Variants in CTNNA1 observed in about 807,000 individuals in gnomAD.
CTNNA1 encodes the protein catenin alpha 1, also known as catenin alpha-1.
In CTNNA1, 37 loss-of-function variants were observed where a neutral mutation model predicts 98.4. That is an observed-to-expected ratio of 0.38 (90% confidence interval 0.29 to 0.49). The LOEUF (loss-of-function observed/expected upper bound fraction) is 0.49, where lower values mean the gene tolerates loss of function less well. Ranked by LOEUF, CTNNA1 falls within the 20% of genes least tolerant of loss-of-function variation. CTNNA1 has a pLI of 0.95. For missense variants in CTNNA1, 761 were observed against 1,147.2 expected, an observed-to-expected ratio of 0.66 and a Z score of 4.86; for synonymous variants, 404 against 413.2, an observed-to-expected ratio of 0.98 and a Z score of 0.27.
At chr5:138,786,130 C>T (rs1247973105) in intron 3 of CTNNA1, among the ~76,000 whole-genome samples, 1 of 152,082 alleles carries the variant, frequency 6.6e-6, no homozygotes, top group African/African-American at 2.4e-5. Context: ...CTGTCCTAGT[C>T]CACTTTTGCA....
intron 3 of CTNNA1, among the ~76,000 whole-genome samples, chr5:138,800,760 G>A (rs1378999802): frequency 1.3e-5 from 2 of 151,922 alleles, no homozygotes; most frequent in Non-Finnish European, 2.9e-5. Context: ...CTGAGATCGC[G>A]CCACTGCATT....
intron 3 of CTNNA1, among the ~76,000 whole-genome samples, chr5:138,792,907 CTTCCT>C (rs1278370868): frequency 6.6e-6 from 1 of 152,068 alleles, no homozygotes; most frequent in African/African-American, 2.4e-5. Flanking sequence ...TTCTCATAGT[CTTCCT>C]TTGAGTTCTG....
intron 9 of CTNNA1, among the ~76,000 whole-genome samples, chr5:138,896,046 C>G (rs1288219263): frequency 6.6e-6 from 1 of 152,078 alleles, no homozygotes; most frequent in Non-Finnish European, 1.5e-5. Context: ...GGGCTAACAC[C>G]CACTCAGAAG....
intron 3 of CTNNA1, among the ~76,000 whole-genome samples, chr5:138,793,581 G>C: frequency 6.6e-6 from 1 of 152,224 alleles, no homozygotes; most frequent in Non-Finnish European, 1.5e-5. Context: ...TGTACAGTCA[G>C]TGTAGCTGAG....
chr5:138,803,225 C>T (rs967658682), intron 3 of CTNNA1, among the ~76,000 whole-genome samples: 1 of 151,276 alleles, frequency 6.6e-6, no homozygotes, highest in East Asian at 1.9e-4. Context: ...ATGATCGTGG[C>T]TCACTGCAAC....
intron 1 of CTNNA1, among the ~76,000 whole-genome samples, chr5:138,780,662 C>T (rs1269498819): frequency 3.9e-5 from 6 of 151,946 alleles, no homozygotes; most frequent in South Asian, 2.1e-4. Context: ...GGATTACAGG[C>T]GTGCACCACC....
chr5:138,910,226 CTTTTTTTTTTTTTTTTTTTTT>C (rs70982740), intron 10 of CTNNA1, among the ~76,000 whole-genome samples: 1 of 53,228 alleles, frequency 1.9e-5, no homozygotes, highest in Non-Finnish European at 3.3e-5. Context: ...TCCTACTTTT[CTTTTTTTTTTTTTTTTTTTTT>C]TTTTTTGGAA....
chr5:138,860,036 T>A (rs138903296), intron 7 of CTNNA1, among the ~76,000 whole-genome samples: 1 of 151,970 alleles, frequency 6.6e-6, no homozygotes, highest in African/African-American at 2.4e-5. Context: ...GTTTAAAGAT[T>A]GTGTGTGTGT....
At position 138,824,626 on chromosome 5, in the gene CTNNA1, C is replaced by A. The variant is rs2149775908; in HGVS notation, c.685C>A (p.Leu229Ile). The A allele has an allele frequency of 6.2e-7, 1 of 1,614,218 alleles. No homozygotes were observed. The highest frequency in any genetic ancestry group is 8.5e-7 in the Non-Finnish European group (1 of 1,180,038). Reference sequence around the variant, plus strand: ...CCTCTATACTGCATCCCAGGCATGCCTACAGCACCCTGATGTCGCAGCCTA... The same window carrying A: ...CCTCTATACTGCATCCCAGGCATGCATACAGCACCCTGATGTCGCAGCCTA... ...PILYTASQAC[L>I]QHPDVAAYKA... The change falls in exon 6 of 18, where the codon CTA (leucine) becomes ATA (isoleucine). Residue 229 changes from leucine to isoleucine, a missense_variant. Coordinates refer to ENST00000302763, the MANE Select transcript of CTNNA1 (RefSeq NM_001903.5).
chr5:138,775,714 C>CTTTT lies in CTNNA1; in HGVS notation c.-2-6187_-2-6184dup, dbSNP rs750615535. ...AGCCTCCTTTAATCTGGAAATATTT[C>CTTTT]TTTTTTTTTTTTTTTTTTTTTTTTT... is the stretch of plus-strand genomic sequence containing the variant. On this transcript the variant is annotated intron_variant, in intron 1 of 17. Coordinates refer to ENST00000302763, the MANE Select transcript of CTNNA1 (RefSeq NM_001903.5). Among the ~76,000 whole-genome samples, 364 of 82,490 alleles carry CTTTT rather than the reference C, an allele frequency of 4.4e-3. 3 individuals carry two copies. Among genetic ancestry groups the CTTTT allele is most frequent in the East Asian group, 6.1e-3 (16 of 2,620 alleles). 54.1% of individuals were successfully genotyped at this position (82,490 alleles called of 152,430 possible).
chr5:138,921,820 C>T (rs562788512), intron 11 of CTNNA1, among the ~76,000 whole-genome samples: 1 of 151,682 alleles, frequency 6.6e-6, no homozygotes, highest in Non-Finnish European at 1.5e-5. Flanking sequence ...AGGATGGTCC[C>T]GATCTCCTGA....
At position 138,758,195 on chromosome 5, in the gene CTNNA1, A is replaced by G. The variant is rs554241869; in HGVS notation, c.-3+4685A>G. Among the ~76,000 whole-genome samples, 37 of 146,070 alleles carry G rather than the reference A, an allele frequency of 2.5e-4. No homozygotes were observed. In the South Asian group the frequency reaches 6.8e-3, roughly 27 times the overall value. Reference sequence around the variant, plus strand: ...CTAATCTGGTATTTTAATTTTATTTATTTTATTTATTTTTATTTTTTTTTG... The same window carrying G: ...CTAATCTGGTATTTTAATTTTATTTGTTTTATTTATTTTTATTTTTTTTTG... On this transcript the variant is annotated intron_variant, in intron 1 of 17. Coordinates refer to ENST00000302763, the MANE Select transcript of CTNNA1 (RefSeq NM_001903.5).
chr5:138,799,168 TTTG>T (rs374683555), intron 3 of CTNNA1, among the ~76,000 whole-genome samples: 1,770 of 152,026 alleles, frequency 0.012, 27 homozygotes, highest in African/African-American at 0.041. Context: ...TCTGCCACAT[TTTG>T]TTTTTTTAGA....
At chr5:138,830,677 C>G (rs1761188536) in intron 7 of CTNNA1, among the ~76,000 whole-genome samples, 1 of 152,210 alleles carries the variant, frequency 6.6e-6, no homozygotes, top group Admixed American at 6.5e-5. Flanking sequence ...CAGAATATAA[C>G]CAGCAATGTC....
chr5:138,762,800 T>C (rs1161181891), intron 1 of CTNNA1, among the ~76,000 whole-genome samples: 1 of 152,140 alleles, frequency 6.6e-6, no homozygotes, highest in Non-Finnish European at 1.5e-5. Context: ...TGTCATTTTT[T>C]TCATGTTCCC....
At chr5:138,864,973 C>T (rs1403138651) in intron 7 of CTNNA1, among the ~76,000 whole-genome samples, 1 of 152,014 alleles carries the variant, frequency 6.6e-6, no homozygotes, top group Non-Finnish European at 1.5e-5. Context: ...GCCACCACAC[C>T]CGGCTAATTT....
intron 7 of CTNNA1, among the ~76,000 whole-genome samples, chr5:138,879,087 G>T (rs1035905991): frequency 7.0e-6 from 1 of 143,724 alleles, no homozygotes; most frequent in Non-Finnish European, 1.5e-5. Context: ...ACAGGAGCCT[G>T]TAATCCTAGC....
At chr5:138,753,542 G>A (rs1751233436) in intron 1 of CTNNA1, 32 bp downstream of exon 1, 3 of 374,884 alleles carry the variant, frequency 8.0e-6, no homozygotes, top group Non-Finnish European at 1.4e-5. Flanking sequence ...CGCGGGCGCG[G>A]TCTCTCGGGC....
intron 17 of CTNNA1, among the ~76,000 whole-genome samples, chr5:138,933,146 CAACAA>C (rs571047636): frequency 5.0e-4 from 76 of 152,228 alleles, no homozygotes; most frequent in South Asian, 1.0e-3. Flanking sequence ...CAAAACGAAA[CAACAA>C]AACAAAACAA....
Sources: gnomAD v4.1 joint callset for allele counts (sites outside exome capture counted in the v4.1 genomes callset) on GRCh38, gnomAD v4.1.1 for gene constraint, MANE v1.5 for transcripts, NCBI Gene and HGNC (gene_info 2026-07-23, HGNC 2026-07-21) for gene names.